The following STK32A variants were observed in gnomAD, a reference collection of about 807,000 sequenced individuals.
The protein encoded by STK32A is serine/threonine-protein kinase 32A.
In STK32A, 41 loss-of-function variants were observed where a neutral mutation model predicts 53.2. The observed-to-expected ratio is 0.77, with a 90% CI of 0.60 to 1.00. The LOEUF (loss-of-function observed/expected upper bound fraction) is 1.00, where lower values mean the gene tolerates loss of function less well. Among genes scored for constraint, STK32A ranks in the 50% least tolerant of loss-of-function variants. The pLI is 0.00. For synonymous variants in STK32A, 166 were observed against 162.8 expected (o/e 1.02, Z -0.15); for missense variants, 458 against 485.8 (o/e 0.94, Z 0.54).
chr5:147,346,365 A>G (rs1755692056), intron 6 of STK32A, among the ~76,000 whole-genome samples: 1 of 152,168 alleles, frequency 6.6e-6, no homozygotes, highest in Non-Finnish European at 1.5e-5. Context: ...GGTGCCCCCT[A>G]TGCGCATCCC....
At position 147,370,794 on chromosome 5, in the gene STK32A, AAACGAAGT is replaced by A. The variant is rs769072429; in HGVS notation, c.777+28_777+35del. 4.0e-5 allele frequency: 59 copies of A among 1,485,246 alleles called. No individual in the cohort carries two copies. In the East Asian group the frequency reaches 1.3e-3, roughly 32 times the overall value. 92.0% of individuals were successfully genotyped at this position (1,485,246 alleles called of 1,614,324 possible). On this transcript the variant is annotated intron_variant, in intron 9 of 12. Transcript: ENST00000397936. ...AGGTAAGAAGGAAGACTGCATGTCC[AAACGAAGT>A]AACAAAAGGAAGCAGGCTCTCTGGC...
At chr5:147,278,351 TG>T (rs1252363626) in intron 3 of STK32A, among the ~76,000 whole-genome samples, 172 bp downstream of exon 3, 1 of 152,230 alleles carries the variant, frequency 6.6e-6, no homozygotes, top group Non-Finnish European at 1.5e-5. Flanking sequence ...AAGAAAAGCG[TG>T]TGACAGGCAG....
In STK32A at chr5:147,351,091, AT is replaced by A; in HGVS notation, c.501del (p.Ile167MetfsTer45). On this transcript the variant is annotated frameshift_variant, in exon 7 of 13. Coordinates refer to ENST00000397936, the MANE Select transcript of STK32A (RefSeq NM_001112724.2). LOFTEE classifies it high-confidence loss of function. ...HGHVHITDFN[I>X]AAMLPRETQI... is the part of the protein sequence containing the mutation. ...GCACGTGCACATCACAGATTTCAAC[AT>A]TGCTGCGATGCTGCCCAGGGAGACA... 6.2e-7 allele frequency: 1 copy of A among 1,613,926 alleles called. No homozygotes were observed. The highest frequency in any genetic ancestry group is 8.5e-7 in the Non-Finnish European group (1 of 1,179,874).
chr5:147,277,801 G>A (rs1276365072), intron 2 of STK32A, among the ~76,000 whole-genome samples: 2 of 152,100 alleles, frequency 1.3e-5, no homozygotes, highest in Non-Finnish European at 2.9e-5. Flanking sequence ...CTTGCAGTGG[G>A]AGCTTGAATT....
chr5:147,367,263 A>G lies in STK32A; in HGVS notation c.661-3391A>G, dbSNP rs72833309. Among the ~76,000 whole-genome samples the G allele has an allele frequency of 0.017, 2,584 of 152,104 alleles. 118 individuals are homozygous for G. In the East Asian group the frequency reaches 0.19, roughly 11 times the overall value. ...GTATTTTTTGTAGAGTTGGGGTCTT[A>G]CCATGTTGCCCAGGCTAGTCTTGAA... On this transcript the variant is annotated intron_variant, in intron 8 of 12. Transcript: ENST00000397936.
At chr5:147,265,108 TA>T (rs10712708) in intron 2 of STK32A, among the ~76,000 whole-genome samples, 41,248 of 148,124 alleles carry the variant, frequency 0.28, 6,012 homozygotes, top group Admixed American at 0.35. Context: ...TATATATATA[TA>T]TCTTACAATT....
At chr5:147,339,831 G>C (rs958235886) in intron 5 of STK32A, among the ~76,000 whole-genome samples, 16 of 152,170 alleles carry the variant, frequency 1.1e-4, no homozygotes, top group African/African-American at 3.9e-4. Flanking sequence ...TTTGGAATGA[G>C]TGTATTTACC....
chr5:147,315,314 G>A (rs1753938352), intron 4 of STK32A, among the ~76,000 whole-genome samples: 1 of 152,148 alleles, frequency 6.6e-6, no homozygotes, highest in Non-Finnish European at 1.5e-5. Flanking sequence ...TCAAAAGGTA[G>A]AAATAACCCG....
intron 4 of STK32A, among the ~76,000 whole-genome samples, chr5:147,307,712 T>C (rs977198324): frequency 6.6e-6 from 1 of 152,118 alleles, no homozygotes; most frequent in Non-Finnish European, 1.5e-5. Flanking sequence ...CTGTTTTAGC[T>C]TTCACATTTA....
chr5:147,338,987 A>C (rs1755272887), intron 5 of STK32A, among the ~76,000 whole-genome samples: 2 of 152,250 alleles, frequency 1.3e-5, no homozygotes, highest in African/African-American at 4.8e-5. Context: ...GATGGAATAG[A>C]AAAGAAAAAC....
the STK32A span, chr5:147,401,751 G>A: frequency 1.3e-6 from 2 of 1,596,248 alleles, no homozygotes; most frequent in Admixed American, 1.7e-5. Context: ...GCTGCACTGG[G>A]CCAAGCCTAT....
intron 8 of STK32A, among the ~76,000 whole-genome samples, chr5:147,367,845 T>C (rs1028094630): frequency 1.4e-5 from 2 of 138,730 alleles, no homozygotes; most frequent in African/African-American, 7.0e-5. Context: ...CTTAGACACC[T>C]TCTAGGAAAA....
chr5:147,239,300 C>T, intron 1 of STK32A, among the ~76,000 whole-genome samples: 1 of 152,190 alleles, frequency 6.6e-6, no homozygotes, highest in East Asian at 1.9e-4. Flanking sequence ...AACTTTTCTA[C>T]ATACTTTGAA....
chr5:147,352,514 C>A (rs1308621316), intron 7 of STK32A, among the ~76,000 whole-genome samples: 1 of 152,168 alleles, frequency 6.6e-6, no homozygotes, highest in Admixed American at 6.5e-5. Context: ...TCCCGTCCAG[C>A]CTCAACAATG....
chr5:147,382,299 A>G (rs145263139), intron 11 of STK32A, among the ~76,000 whole-genome samples: 27 of 152,092 alleles, frequency 1.8e-4, no homozygotes, highest in African/African-American at 6.0e-4. Flanking sequence ...GGTTTTCTAT[A>G]TTTTTATTAA....
At chr5:147,331,381 A>C (rs748450020) in intron 5 of STK32A, among the ~76,000 whole-genome samples, 2 of 152,194 alleles carry the variant, frequency 1.3e-5, no homozygotes, top group Admixed American at 6.5e-5. Context: ...ATATACAGTC[A>C]GTATATGGGG....
chr5:147,297,873 A>G (rs191104307), intron 4 of STK32A, among the ~76,000 whole-genome samples: 3 of 151,778 alleles, frequency 2.0e-5, no homozygotes, highest in Non-Finnish European at 2.9e-5. Flanking sequence ...TCAGCTACTC[A>G]GGAGGCTTAG....
chr5:147,293,921 G>C (rs898740396), intron 4 of STK32A, among the ~76,000 whole-genome samples: 4 of 133,794 alleles, frequency 3.0e-5, no homozygotes, highest in African/African-American at 1.1e-4. Flanking sequence ...ATTTATATTA[G>C]TGTGTTGTCA....
intron 8 of STK32A, among the ~76,000 whole-genome samples, chr5:147,368,560 C>T (rs1041061914): frequency 6.6e-6 from 1 of 152,046 alleles, no homozygotes; most frequent in African/African-American, 2.4e-5. Flanking sequence ...TCATTGTACC[C>T]TCAATGCCTA....
Sources: allele counts gnomAD v4.1 joint callset (sites outside exome capture counted in the v4.1 genomes callset), GRCh38; gene constraint gnomAD v4.1.1; transcripts MANE v1.5; gene names NCBI Gene and HGNC (gene_info 2026-07-23, HGNC 2026-07-21).